Variants in GNAL observed in about 807,000 individuals in gnomAD.
GNAL encodes guanine nucleotide-binding protein G(olf) subunit alpha.
In GNAL, 18 loss-of-function variants were observed where a neutral mutation model predicts 55.1. That is an observed-to-expected ratio of 0.33 (90% CI 0.23 to 0.48). The LOEUF is 0.48. Ranked by LOEUF, GNAL falls within the 20% of genes least tolerant of loss-of-function variation. The pLI, the probability that GNAL is intolerant of heterozygous loss-of-function variation, is 0.99. For synonymous variants in GNAL, 253 were observed against 237.0 expected, an observed-to-expected ratio of 1.07 and a Z score of -0.62; for missense variants, 412 against 614.1, an observed-to-expected ratio of 0.67 and a Z score of 3.48.
chr18:11,704,524 C>T (rs1028867444), intron 1 of GNAL, among the ~76,000 whole-genome samples: 1 of 152,338 alleles, frequency 6.6e-6, no homozygotes, highest in Non-Finnish European at 1.5e-5. Context: ...TGTGCCTCAA[C>T]TCCTGCTAAC....
chr18:11,790,225 G>A (rs989132993), intron 4 of GNAL, among the ~76,000 whole-genome samples: 1 of 152,172 alleles, frequency 6.6e-6, no homozygotes, highest in Non-Finnish European at 1.5e-5. Context: ...GGCAGGGGGT[G>A]TTCAGAGCCC....
intron 4 of GNAL, among the ~76,000 whole-genome samples, chr18:11,796,061 C>A (rs2143468405): frequency 6.6e-6 from 1 of 152,258 alleles, no homozygotes; most frequent in Middle Eastern, 3.4e-3. Flanking sequence ...AAGGAGAATG[C>A]TATGGCACTG....
At chr18:11,802,154 C>A (rs76558262) in intron 4 of GNAL, among the ~76,000 whole-genome samples, 7,023 of 152,070 alleles carry the variant, frequency 0.046, 250 homozygotes, top group Non-Finnish European at 0.072. Context: ...TAGCAAAAAG[C>A]GATAAAATAA....
intron 1 of GNAL, chr18:11,747,471 G>A (rs868370164): frequency 3.1e-5 from 5 of 162,492 alleles, no homozygotes; most frequent in African/African-American, 4.8e-5. Flanking sequence ...CCACTACCCA[G>A]GCAGGGTGCA....
chr18:11,774,908 C>T, intron 4 of GNAL, among the ~76,000 whole-genome samples: 1 of 152,182 alleles, frequency 6.6e-6, no homozygotes. Flanking sequence ...ATAATCAGTC[C>T]ATGAGTGCCT....
At chr18:11,878,331 G>GT (rs920598106) in intron 11 of GNAL, among the ~76,000 whole-genome samples, 47 of 152,234 alleles carry the variant, frequency 3.1e-4, no homozygotes, top group South Asian at 1.5e-3. Context: ...CAGGCGTGTA[G>GT]TCCCAGCTAC....
intron 4 of GNAL, among the ~76,000 whole-genome samples, chr18:11,794,267 C>T (rs1344526859): frequency 6.6e-6 from 1 of 152,188 alleles, no homozygotes; most frequent in East Asian, 1.9e-4. Context: ...GAGGATCAAA[C>T]GTATCTCACA....
intron 9 of GNAL, among the ~76,000 whole-genome samples, chr18:11,870,739 C>G (rs2036379288): frequency 6.6e-6 from 1 of 152,146 alleles, no homozygotes; most frequent in African/African-American, 2.4e-5. Flanking sequence ...AGTTAGAAAT[C>G]AAAGTTTCTT....
intron 4 of GNAL, among the ~76,000 whole-genome samples, chr18:11,771,517 C>T (rs2033634761): frequency 6.6e-6 from 1 of 152,034 alleles, no homozygotes; most frequent in Non-Finnish European, 1.5e-5. Context: ...TCTCACAGGG[C>T]TCACAGAGCT....
chr18:11,816,320 C>T (rs2034953184), intron 4 of GNAL, among the ~76,000 whole-genome samples: 2 of 151,550 alleles, frequency 1.3e-5, no homozygotes, highest in South Asian at 2.1e-4. Flanking sequence ...TTTTTGAGAC[C>T]GAGTCTTGCT....
intron 4 of GNAL, among the ~76,000 whole-genome samples, chr18:11,788,770 G>A (rs1032145676): frequency 2.7e-5 from 4 of 150,652 alleles, no homozygotes; most frequent in African/African-American, 7.3e-5. Flanking sequence ...GGTGGCACAC[G>A]CCTGTAATGC....
At chr18:11,879,415 T>C (rs942439560) in intron 11 of GNAL, among the ~76,000 whole-genome samples, 50 of 152,214 alleles carry the variant, frequency 3.3e-4, no homozygotes, top group African/African-American at 1.1e-3. Flanking sequence ...CATAACAAAG[T>C]GCCGCAGAGG....
intron 4 of GNAL, among the ~76,000 whole-genome samples, chr18:11,763,968 TCTC>T (rs2033325225): frequency 6.6e-6 from 1 of 152,180 alleles, no homozygotes; most frequent in South Asian, 2.1e-4. Context: ...AATCCTTCCT[TCTC>T]AGTGCATCTG....
chr18:11,786,615 AT>A (rs61303052), intron 4 of GNAL, among the ~76,000 whole-genome samples: 56,965 of 132,890 alleles, frequency 0.43, 14,361 homozygotes, highest in African/African-American at 0.73. Context: ...CACCTGGCTA[AT>A]TTTTTTTTTT....
chr18:11,857,629 T>G, intron 5 of GNAL: 1 of 985,428 alleles, frequency 1.0e-6, no homozygotes, highest in South Asian at 4.7e-5. Flanking sequence ...CGAGTCACCA[T>G]GAATCACTGA....
intron 5 of GNAL, among the ~76,000 whole-genome samples, chr18:11,829,567 A>AG (rs1328710862): frequency 6.6e-6 from 1 of 152,204 alleles, no homozygotes; most frequent in Non-Finnish European, 1.5e-5. Flanking sequence ...GGCCAGTAAC[A>AG]GGACATGTCT....
At chr18:11,842,191 G>T (rs1018095723) in intron 5 of GNAL, among the ~76,000 whole-genome samples, 3 of 151,900 alleles carry the variant, frequency 2.0e-5, no homozygotes, top group African/African-American at 4.8e-5. Flanking sequence ...ATGTTGGTCA[G>T]GCTGGTCTCG....
At chr18:11,750,296 C>T (rs888759460) in intron 1 of GNAL, among the ~76,000 whole-genome samples, 2 of 152,120 alleles carry the variant, frequency 1.3e-5, no homozygotes, top group African/African-American at 4.8e-5. Context: ...GAGCTCAATC[C>T]TTGGCAAGGT....
At chr18:11,691,729 A>G (rs1292363182) in intron 1 of GNAL, among the ~76,000 whole-genome samples, 1 of 152,154 alleles carries the variant, frequency 6.6e-6, no homozygotes, top group East Asian at 1.9e-4. Context: ...TCCTTTCCCC[A>G]TTGCTTGTTT....
Sources: allele counts gnomAD v4.1 joint callset (sites outside exome capture counted in the v4.1 genomes callset), GRCh38; gene constraint gnomAD v4.1.1; transcripts MANE v1.5; gene names NCBI Gene and HGNC (gene_info 2026-07-23, HGNC 2026-07-21).